The following NAA25 variants were observed in gnomAD, a reference collection of about 807,000 sequenced individuals.
The protein encoded by NAA25 is N-terminal acetyltransferase B complex subunit NAA25.
Under a neutral mutation model 132.5 loss-of-function variants are expected in NAA25, and 30 were observed. That is an observed-to-expected ratio of 0.23 (90% confidence interval 0.17 to 0.31). The LOEUF is 0.31. NAA25 is among the 10% of genes least tolerant of loss of function. The probability of loss-of-function intolerance (pLI) is 1.00; values close to 1 mark genes in which losing one functional copy is unlikely to be tolerated. For synonymous variants in NAA25, 359 were observed against 401.9 expected (o/e 0.89, Z 1.28); for missense variants, 771 against 1,150.4 (o/e 0.67, Z 4.77).
chr12:112,054,849 T>C (rs1362987170), intron 13 of NAA25, among the ~76,000 whole-genome samples: 1 of 152,104 alleles, frequency 6.6e-6, no homozygotes, highest in African/African-American at 2.4e-5. Flanking sequence ...TCTCACAGAA[T>C]CTCAGATTCT....
At chr12:112,100,909 C>T (rs79540372) in intron 1 of NAA25, among the ~76,000 whole-genome samples, 14,037 of 152,258 alleles carry the variant, frequency 0.092, 715 homozygotes, top group East Asian at 0.23. Context: ...TGAGCCACCA[C>T]ACCCGGCCTG....
chr12:112,033,502 G>C, intron 22 of NAA25, 123 bp from the exon 23 acceptor site: 1 of 784,566 alleles, frequency 1.3e-6, no homozygotes, highest in Non-Finnish European at 1.9e-6. Context: ...GTGGTTTCAA[G>C]TGAATGAATG....
In NAA25 at chr12:112,033,399, A is replaced by T; in HGVS notation, c.2650-20T>A. ...AGGTGGCTGGGAAAAAGATTAAAAA[A>T]GAGTTGAAACATTATCAAACATATT... On this transcript the variant is annotated intron_variant, in intron 22 of 23. Coordinates refer to ENST00000261745, the MANE Select transcript of NAA25 (RefSeq NM_024953.4). 6.3e-7 allele frequency: 1 copy of T among 1,590,102 alleles called. No homozygotes were observed. Among genetic ancestry groups the T allele is most frequent in the South Asian group, 1.2e-5 (1 of 86,628 alleles).
intron 22 of NAA25, among the ~76,000 whole-genome samples, chr12:112,035,984 C>A (rs1461134661): frequency 6.6e-6 from 1 of 152,144 alleles, no homozygotes; most frequent in Non-Finnish European, 1.5e-5. Context: ...CAGCACCCAG[C>A]CAACATTTTC....
chr12:112,092,031 G>C (rs1163618899), intron 2 of NAA25, among the ~76,000 whole-genome samples: 2 of 152,188 alleles, frequency 1.3e-5, no homozygotes, highest in African/African-American at 4.8e-5. Flanking sequence ...AGGAGGTCAG[G>C]AGATTGAGAC....
intron 13 of NAA25, among the ~76,000 whole-genome samples, chr12:112,058,696 G>A (rs541367207): frequency 4.6e-5 from 7 of 152,212 alleles, no homozygotes; most frequent in African/African-American, 1.7e-4. Context: ...GGCCGCGGCG[G>A]GTGGATCACC....
chr12:112,081,852 T>C (rs992209852), intron 4 of NAA25, among the ~76,000 whole-genome samples: 6 of 152,206 alleles, frequency 3.9e-5, no homozygotes, highest in Non-Finnish European at 5.9e-5. Context: ...GAAGAAACTA[T>C]CTATTCCTGA....
chr12:112,078,731 G>A lies in NAA25; in HGVS notation c.488C>T (p.Ala163Val), dbSNP rs1195135230. 6.2e-7 allele frequency: 1 copy of A among 1,612,622 alleles called. No individual in the cohort carries two copies. Among genetic ancestry groups the A allele is most frequent in the African/African-American group, 1.3e-5 (1 of 74,864 alleles). Reference protein sequence around the residue: ...VMSLIMQSISAQDENLSKTMF... With the variant: ...VMSLIMQSISVQDENLSKTMF... ...TGTTTTTGAGAGGTTTTCATCCTGTGCCGATATAGACTGAAAGAAGAAAAA... is the reference window on the plus strand; with the variant it reads ...TGTTTTTGAGAGGTTTTCATCCTGTACCGATATAGACTGAAAGAAGAAAAA... Residue 163 changes from alanine (A) to valine (V), a missense_variant, in exon 6 of 24, where the codon GCA becomes GTA. Around this residue, in one of 3 missense-constraint regions of NAA25, gnomAD observed 417 missense variants for 733.8 expected, o/e 0.57. Transcript: ENST00000261745.
chr12:112,042,083 T>C lies in NAA25; in HGVS notation c.2396A>G (p.Glu799Gly). 6.7e-7 allele frequency: 1 copy of C among 1,485,992 alleles called. No individual in the cohort carries two copies. The highest frequency in any genetic ancestry group is 8.9e-7 in the Non-Finnish European group (1 of 1,119,260). The allele number at this position is 1,485,992 out of a possible 1,614,324, so 92.1% of individuals were successfully genotyped here. A position where few individuals can be genotyped will look rare whatever the true frequency, so the allele number is the denominator to read the frequency against. Residue 799 changes from glutamate (E) to glycine (G), a missense_variant, in exon 20 of 24, where the codon GAA becomes GGA. Around this residue, in one of 3 missense-constraint regions of NAA25, gnomAD observed 324 missense variants for 400.0 expected, o/e 0.81. Transcript: ENST00000261745. ...AGACTTAAAACTATTTTCTATTCGT[T>C]CCTGAATCTCCATTGTATCCTCTAA... ...SGLEDTMEIQ[E>G]RIENSFKSLL...
chr12:112,074,186 C>T (rs1381801252), intron 9 of NAA25, among the ~76,000 whole-genome samples: 1 of 151,716 alleles, frequency 6.6e-6, no homozygotes, highest in Non-Finnish European at 1.5e-5. Flanking sequence ...ACCAAAAATA[C>T]AAAAAGTAGC....
intron 21 of NAA25, chr12:112,040,050 C>A (rs1215893561): frequency 6.4e-6 from 1 of 157,472 alleles, no homozygotes; most frequent in Non-Finnish European, 1.4e-5. Context: ...AATCTTCCTT[C>A]TCTTCCCTCT....
chr12:112,061,883 T>C (rs778593842), intron 11 of NAA25, among the ~76,000 whole-genome samples: 3 of 152,218 alleles, frequency 2.0e-5, no homozygotes, highest in East Asian at 1.9e-4. Context: ...ATTGAACTTA[T>C]AATTATAGAT....
intron 5 of NAA25, among the ~76,000 whole-genome samples, chr12:112,079,782 C>T (rs963636300): frequency 6.6e-6 from 1 of 152,094 alleles, no homozygotes; most frequent in African/African-American, 2.4e-5. Context: ...CAAACTGAGG[C>T]TCAGAAAGGA....
chr12:112,048,757 A>T (rs1279828944), intron 15 of NAA25, among the ~76,000 whole-genome samples: 1 of 152,112 alleles, frequency 6.6e-6, no homozygotes, highest in East Asian at 1.9e-4. Context: ...ATCAGTCAAA[A>T]ATTTGGTTAG....
intron 3 of NAA25, chr12:112,090,446 T>C (rs2079113771): frequency 3.5e-6 from 1 of 285,816 alleles, no homozygotes; most frequent in East Asian, 6.8e-5. Context: ...TTTGTCTGCT[T>C]GAAATTTTCC....
At chr12:112,063,495 T>A (rs1000548138) in intron 11 of NAA25, among the ~76,000 whole-genome samples, 3 of 152,298 alleles carry the variant, frequency 2.0e-5, no homozygotes, top group Non-Finnish European at 1.5e-5. Context: ...AGTGATAATT[T>A]CAGGCTCCCA....
Position 112,068,897 on chromosome 12 carries a change from C to T in NAA25, c.1132G>A (p.Ala378Thr). 1 of 1,607,148 alleles carries T rather than the reference C, an allele frequency of 6.2e-7. No individual in the cohort carries two copies. The highest frequency in any genetic ancestry group is 1.3e-5 in the African/African-American group (1 of 74,824). The part of the protein sequence containing the change: ...DLKVFVDLLP[A>T]TQCTKFINQL... ...GTACTTACTTTTGTACACTGTGTAGCAGGTAAGAGGTCAACAAACACCTTA... is the reference window on the plus strand; with the variant it reads ...GTACTTACTTTTGTACACTGTGTAGTAGGTAAGAGGTCAACAAACACCTTA... The change falls in exon 11 of 24, where the codon GCT becomes ACT. Residue 378 changes from alanine (A) to threonine (T), a missense_variant. Transcript: ENST00000261745.
chr12:112,073,261 T>TACACACACAC (rs34053629), intron 9 of NAA25, among the ~76,000 whole-genome samples: 1 of 148,664 alleles, frequency 6.7e-6, no homozygotes, highest in Non-Finnish European at 1.5e-5. Flanking sequence ...AAAAATTAAA[T>TACACACACAC]ACACACACAC....
In NAA25 at chr12:112,048,296, T is replaced by C. The variant is rs1374995433; in HGVS notation, c.1876A>G (p.Asn626Asp). The change falls in exon 16 of 24, where the codon AAT (asparagine) becomes GAT (aspartate). Residue 626 changes from asparagine to aspartate, a missense_variant. Physicochemically the swap from Asn to Asp is conservative, Grantham distance 23. Coordinates refer to ENST00000261745, the MANE Select transcript of NAA25 (RefSeq NM_024953.4). ...RMLLDLLLEA[N>D]ISTSLAESIK... is the part of the protein sequence containing the mutation. ...TAGCTCTCATGCAATACTTACATAT[T>C]TGCTTCAAGTAGAAGGTCTAACAGC... 1 of 1,612,270 alleles carries C rather than the reference T, an allele frequency of 6.2e-7. No individual in the cohort carries two copies. The highest frequency in any genetic ancestry group is 1.7e-5 in the Admixed American group (1 of 59,812).
Sources: allele counts gnomAD v4.1 joint callset (sites outside exome capture counted in the v4.1 genomes callset), GRCh38; gene constraint gnomAD v4.1.1; regional missense constraint gnomAD v4.1.1; transcripts MANE v1.5; gene names NCBI Gene and HGNC (gene_info 2026-07-23, HGNC 2026-07-21).